FETUB: variants seen among roughly 807,000 people sequenced by gnomAD.
FETUB encodes the protein fetuin-B.
Under a neutral mutation model 30.9 loss-of-function variants are expected in FETUB, and 28 were observed. The ratio of observed to expected loss-of-function variants is 0.90; its 90% CI spans 0.67 to 1.24. The LOEUF (loss-of-function observed/expected upper bound fraction) is 1.24, where lower values mean the gene tolerates loss of function less well. FETUB is among the 50% of genes most tolerant of loss of function. The pLI is 0.00. For missense variants in FETUB, 469 were observed against 455.3 expected (o/e 1.03, Z -0.27); for synonymous variants, 186 against 175.9 (o/e 1.06, Z -0.45).
intron 5 of FETUB, among the ~76,000 whole-genome samples, chr3:186,649,069 T>C (rs911716288): frequency 3.9e-5 from 6 of 152,228 alleles, no homozygotes; most frequent in Non-Finnish European, 2.9e-5. Context: ...GGTAGGCCTA[T>C]GAACTTTGGT....
At chr3:186,647,630 A>G (rs902347836) in intron 5 of FETUB, among the ~76,000 whole-genome samples, 3 of 152,142 alleles carry the variant, frequency 2.0e-5, no homozygotes, top group South Asian at 2.1e-4. Context: ...ATCCATTAGT[A>G]TGTTTTCTTT....
At chr3:186,643,380 G>T (rs1186039161) in intron 3 of FETUB, among the ~76,000 whole-genome samples, 1 of 152,186 alleles carries the variant, frequency 6.6e-6, no homozygotes, top group East Asian at 1.9e-4. Flanking sequence ...CATCCACAGT[G>T]CAGGAAAACA....
chr3:186,640,690 G>C lies in FETUB; in HGVS notation c.225+5G>C, dbSNP rs748850958. 1 of 1,610,438 alleles carries C rather than the reference G, an allele frequency of 6.2e-7. No individual in the cohort carries two copies. The highest frequency in any genetic ancestry group is 1.7e-5 in the Admixed American group (1 of 60,014). On this transcript the variant is annotated splice_donor_5th_base_variant and intron_variant, in intron 1 of 6. Coordinates refer to ENST00000265029, the MANE Select transcript of FETUB (RefSeq NM_014375.3). ...GACGCCCAGGAATACAGACGGGCAAGTAGGGACAGTTCCCACTCTGGGGCA... is the reference window on the plus strand; with the variant it reads ...GACGCCCAGGAATACAGACGGGCAACTAGGGACAGTTCCCACTCTGGGGCA...
upstream of FETUB, among the ~76,000 whole-genome samples, chr3:186,638,212 A>G (rs918804780): frequency 6.6e-6 from 1 of 152,202 alleles, no homozygotes; most frequent in African/African-American, 2.4e-5. Context: ...AACAAAACCT[A>G]GATTGATCTA....
chr3:186,641,257 T>A lies in FETUB; in HGVS notation c.336+117T>A, dbSNP rs1288068320. The A allele has an allele frequency of 7.5e-6, 5 of 666,030 alleles. No homozygotes were observed. In the African/African-American group the frequency reaches 9.0e-5, roughly 12 times the overall value. The allele number at this position is 666,030 out of a possible 1,614,324, so 41.3% of individuals were successfully genotyped here. On this transcript the variant is annotated intron_variant, in intron 2 of 6. Coordinates refer to ENST00000265029, the MANE Select transcript of FETUB (RefSeq NM_014375.3). Reference sequence around the variant, plus strand: ...ATCTTTTAAATGGCCCACTTTATAATCTCCTGGCAGGTGCCCATAAGCTTA... The same window carrying A: ...ATCTTTTAAATGGCCCACTTTATAAACTCCTGGCAGGTGCCCATAAGCTTA...
At chr3:186,639,644 C>CAAATAGA (rs1230881640), upstream of FETUB, among the ~76,000 whole-genome samples, 1 of 91,736 alleles carries the variant, frequency 1.1e-5, no homozygotes, top group Non-Finnish European at 2.1e-5. Flanking sequence ...TTCTGAATCA[C>CAAATAGA]AAATAGAAGC....
chr3:186,638,512 A>G (rs180902378), upstream of FETUB, among the ~76,000 whole-genome samples: 129 of 152,264 alleles, frequency 8.5e-4, no homozygotes, highest in Non-Finnish European at 1.6e-3. Context: ...AGACTGCCTG[A>G]CACCAAAGGC....
chr3:186,651,706 T>C, intron 6 of FETUB: 1 of 201,848 alleles, frequency 5.0e-6, no homozygotes, highest in South Asian at 9.6e-5. Flanking sequence ...CAGTTTATAT[T>C]TGAGGTGTAT....
At position 186,640,606 on chromosome 3, in the gene FETUB, T is replaced by C. The variant is rs1382376061; in HGVS notation, c.146T>C (p.Leu49Pro). Residue 49 changes from leucine to proline, a missense_variant, in exon 1 of 7, where the codon CTG becomes CCG. Physicochemically the swap from Leu to Pro is moderately conservative, Grantham distance 98 (BLOSUM62 -3). Coordinates refer to ENST00000265029, the MANE Select transcript of FETUB (RefSeq NM_014375.3). ...SDVLAVAGFALRDINKDRKDG... is the reference protein window; with the variant it reads ...SDVLAVAGFAPRDINKDRKDG... The stretch of plus-strand genomic sequence containing the variant: ...GTGCTGGCAGTTGCAGGCTTTGCCC[T>C]GCGGGATATTAACAAAGACAGAAAG... 2 of 1,614,184 alleles carry C rather than the reference T, an allele frequency of 1.2e-6. No individual in the cohort carries two copies. The highest frequency in any genetic ancestry group is 8.5e-7 in the Non-Finnish European group (1 of 1,180,026).
upstream of FETUB, among the ~76,000 whole-genome samples, chr3:186,636,991 T>G (rs1014829520): frequency 9.2e-5 from 14 of 152,136 alleles, no homozygotes; most frequent in Admixed American, 2.6e-4. Context: ...CATGCCTTCT[T>G]CTCTGAAGCC....
intron 5 of FETUB, among the ~76,000 whole-genome samples, chr3:186,648,167 G>A (rs182895852): frequency 6.9e-4 from 105 of 152,158 alleles, no homozygotes; most frequent in African/African-American, 2.3e-3. Context: ...TTTTGTACAC[G>A]GTGTGAGGCA....
chr3:186,641,206 A>G, intron 2 of FETUB, 66 bp downstream of exon 2: 1 of 907,874 alleles, frequency 1.1e-6, no homozygotes, highest in Non-Finnish European at 1.8e-6. Flanking sequence ...CTCTTTCTAC[A>G]GGGTCAAGGG....
chr3:186,638,341 A>G (rs893171240), upstream of FETUB, among the ~76,000 whole-genome samples: 1 of 152,194 alleles, frequency 6.6e-6, no homozygotes, highest in African/African-American at 2.4e-5. Flanking sequence ...CTTCTAGGGA[A>G]AGAGGAACTC....
upstream of FETUB, among the ~76,000 whole-genome samples, chr3:186,638,429 C>T (rs759024643): frequency 2.0e-5 from 3 of 152,240 alleles, no homozygotes; most frequent in South Asian, 6.2e-4. Context: ...AATAAGGAAA[C>T]AAAATGCTGT....
rs1379196808 is a variant in FETUB at position 186,651,290 on chromosome 3, T to G, written c.769T>G (p.Phe257Val). The G allele has an allele frequency of 6.2e-7, 1 of 1,607,022 alleles. No homozygotes were observed. Among genetic ancestry groups the G allele is most frequent in the African/African-American group, 1.3e-5 (1 of 74,908 alleles). Residue 257 changes from phenylalanine to valine, a missense_variant, in exon 6 of 7, where the codon TTT becomes GTT. Physicochemically the swap from Phe to Val is conservative, Grantham distance 50 (BLOSUM62 -1). Transcript: ENST00000265029. ...EKFVSVTCDF[F>V]ESQAPATGSE... The stretch of plus-strand genomic sequence containing the variant: ...GTTTGTCTCTGTGACTTGTGACTTC[T>G]TTGAATCACAGGTATTTTTCAATCT...
chr3:186,645,721 C>CTTTTTTTT (rs35992832), intron 4 of FETUB, among the ~76,000 whole-genome samples: 1 of 79,580 alleles, frequency 1.3e-5, no homozygotes. Context: ...CCATTCAAAT[C>CTTTTTTTT]TTTTTTTTTT....
intron 5 of FETUB, among the ~76,000 whole-genome samples, chr3:186,650,240 T>C (rs966162402): frequency 6.6e-6 from 1 of 151,926 alleles, no homozygotes; most frequent in Non-Finnish European, 1.5e-5. Context: ...TAGTTTATTT[T>C]TAGATAAATT....
rs1167682354 is a variant in FETUB, at chr3:186,646,309, C to A, written c.656C>A (p.Ser219Tyr). 1.9e-6 allele frequency: 3 copies of A among 1,613,954 alleles called. No homozygotes were observed. Among genetic ancestry groups the A allele is most frequent in the Non-Finnish European group, 2.5e-6 (3 of 1,179,862 alleles). Residue 219 changes from serine (S) to tyrosine (Y), a missense_variant, in exon 5 of 7, where the codon TCC becomes TAC. Physicochemically the swap from Ser to Tyr is moderately radical, Grantham distance 144 (BLOSUM62 -2). Transcript: ENST00000265029. ...YLIKESPCTKSQASSCSLQSS... is the reference protein window; with the variant it reads ...YLIKESPCTKYQASSCSLQSS... The stretch of plus-strand genomic sequence containing the variant: ...ATTAAAGAATCACCATGTACTAAAT[C>A]CCAGGCCAGCAGCTGTTCACTTCAG...
intron 1 of FETUB, 112 bp downstream of exon 1, chr3:186,640,797 C>T (rs1716983199): frequency 1.1e-6 from 1 of 872,282 alleles, no homozygotes; most frequent in African/African-American, 1.7e-5. Flanking sequence ...ATTGGAAGCC[C>T]TGCCGAGAAC....
Sources: gnomAD v4.1 joint callset for allele counts (sites outside exome capture counted in the v4.1 genomes callset) on GRCh38, gnomAD v4.1.1 for gene constraint, MANE v1.5 for transcripts, NCBI Gene and HGNC (gene_info 2026-07-23, HGNC 2026-07-21) for gene names.